The following FIGNL2 variants were observed in gnomAD, a reference collection of about 807,000 sequenced individuals.
FIGNL2 encodes the protein fidgetin-like protein 2.
For synonymous variants in FIGNL2, 565 were observed against 484.0 expected, an observed-to-expected ratio of 1.17 and a Z score of -2.20; for missense variants, 1,060 against 950.2, an observed-to-expected ratio of 1.12 and a Z score of -1.52.
At position 51,821,301 on chromosome 12, in the gene FIGNL2, G is replaced by A. The variant is rs1202178109; in HGVS notation, c.1113C>T (p.Asp371=). The change falls in exon 2 of 2, where the codon GAC becomes GAT. Residue 371 remains aspartate, a synonymous_variant. Transcript: ENST00000618634. The stretch of plus-strand genomic sequence containing the variant: ...TCGTCACCAGCTCCAGGGCCCCAGG[G>A]TCCACGCCTTTGGGAGTCTCCCCCG... ...VPSGETPKGV[D]PGALELVTSK... The A allele has an allele frequency of 3.3e-6, 5 of 1,524,282 alleles. No homozygotes were observed. Among genetic ancestry groups the A allele is most frequent in the Non-Finnish European group, 4.4e-6 (5 of 1,141,548 alleles). 94.4% of individuals were successfully genotyped at this position (1,524,282 alleles called of 1,614,324 possible).
chr12:51,847,518 C>T (rs2139006521), intron 1 of FIGNL2: 1 of 985,490 alleles, frequency 1.0e-6, no homozygotes, highest in East Asian at 1.1e-4. Context: ...AGCCTGACAG[C>T]CCTACGGCCT....
At position 51,821,509 on chromosome 12, in the gene FIGNL2, C is replaced by T; in HGVS notation, c.905G>A (p.Gly302Asp). ...CCGGAACCCGTTGCCCCGACATTCG[C>T]CGTTGTCCGCGGCGGGGTAGGAGGC... is the stretch of plus-strand genomic sequence containing the variant. The part of the protein sequence containing the change: ...DGASYPAADN[G>D]ECRGNGFRAK... The change falls in exon 2 of 2, where the codon GGC becomes GAC. Residue 302 changes from glycine (G) to aspartate (D), a missense_variant. Physicochemically the swap from Gly to Asp is moderately conservative, Grantham distance 94. Coordinates refer to ENST00000618634, the MANE Select transcript of FIGNL2 (RefSeq NM_001384995.1). 1.3e-6 allele frequency: 2 copies of T among 1,561,100 alleles called. No individual in the cohort carries two copies. The highest frequency in any genetic ancestry group is 1.7e-6 in the Non-Finnish European group (2 of 1,162,380).
Position 51,819,803 on chromosome 12 carries a change from G to C in FIGNL2, c.*649C>G, listed in dbSNP as rs1009930159. The C allele has an allele frequency of 6.5e-6, 1 of 152,990 alleles. No individual in the cohort carries two copies. Among genetic ancestry groups the C allele is most frequent in the African/African-American group, 2.4e-5 (1 of 41,428 alleles). 9.5% of individuals were successfully genotyped at this position (152,990 alleles called of 1,614,324 possible). A position where few individuals can be genotyped will look rare whatever the true frequency, so the allele number is the denominator to read the frequency against. On this transcript the variant is annotated 3_prime_UTR_variant, in exon 2 of 2. Transcript: ENST00000618634. ...ACCCTAGGTTTCAGATGGGTAGAGG[G>C]GTAACCCTCCTCCTCAGCCCCTGGG... is the stretch of plus-strand genomic sequence containing the variant.
chr12:51,825,582 C>G (rs1939322529), intron 1 of FIGNL2, among the ~76,000 whole-genome samples: 1 of 152,026 alleles, frequency 6.6e-6, no homozygotes, highest in South Asian at 2.1e-4. Flanking sequence ...CTCAGACCCT[C>G]TCGCCCTTCC....
intron 1 of FIGNL2, chr12:51,847,100 G>C (rs993201516): frequency 4.1e-6 from 4 of 985,242 alleles, no homozygotes; most frequent in African/African-American, 1.7e-5. Flanking sequence ...CCACAGCACC[G>C]GGCAGCCCGG....
chr12:51,847,042 T>C, intron 1 of FIGNL2: 8 of 984,048 alleles, frequency 8.1e-6, no homozygotes, highest in Non-Finnish European at 9.6e-6. Flanking sequence ...TGCCCGCAGC[T>C]CGCGCGGCCG....
chr12:51,825,428 C>T (rs1446906760), intron 1 of FIGNL2, among the ~76,000 whole-genome samples: 1 of 152,038 alleles, frequency 6.6e-6, no homozygotes, highest in African/African-American at 2.4e-5. Flanking sequence ...TTACTGAAAC[C>T]TCCACCCGCC....
chr12:51,829,291 C>T (rs1182263240), intron 1 of FIGNL2, among the ~76,000 whole-genome samples: 1 of 152,206 alleles, frequency 6.6e-6, no homozygotes, highest in African/African-American at 2.4e-5. Context: ...CAACGGGTGC[C>T]CCAGGGGGTC....
chr12:51,827,372 A>G (rs1939366447), intron 1 of FIGNL2, among the ~76,000 whole-genome samples: 1 of 151,702 alleles, frequency 6.6e-6, no homozygotes, highest in African/African-American at 2.4e-5. Context: ...GTGAACCTCA[A>G]TTTCCCCATT....
At position 51,820,583 on chromosome 12, in the gene FIGNL2, G is replaced by A. The variant is rs764483463; in HGVS notation, c.1831C>T (p.Leu611Phe). ...LCQQAAAGAGLPGLQRPLSYK... is the reference protein window; with the variant it reads ...LCQQAAAGAGFPGLQRPLSYK... Reference sequence around the variant, plus strand: ...GAGAGGGGGCGCTGCAGCCCCGGGAGGCCCGCCCCGGCCGCCGCCTGCTGG... The same window carrying A: ...GAGAGGGGGCGCTGCAGCCCCGGGAAGCCCGCCCCGGCCGCCGCCTGCTGG... The change falls in exon 2 of 2, where the codon CTC becomes TTC. Residue 611 changes from leucine (L) to phenylalanine (F), a missense_variant. Transcript: ENST00000618634. 2.3e-4 allele frequency: 353 copies of A among 1,526,100 alleles called. No homozygotes were observed. Among genetic ancestry groups the A allele is most frequent in the Non-Finnish European group, 2.9e-4 (337 of 1,143,308 alleles). 94.5% of individuals were successfully genotyped at this position (1,526,100 alleles called of 1,614,324 possible). A position where few individuals can be genotyped will look rare whatever the true frequency, so the allele number is the denominator to read the frequency against.
intron 1 of FIGNL2, among the ~76,000 whole-genome samples, chr12:51,830,641 A>G (rs767145575): frequency 4.6e-5 from 7 of 151,246 alleles, no homozygotes; most frequent in South Asian, 2.1e-4. Flanking sequence ...ACAGGCGCCC[A>G]CCACTACACC....
chr12:51,821,078 C>A lies in FIGNL2; in HGVS notation c.1336G>T (p.Ala446Ser). The A allele has an allele frequency of 7.7e-7, 1 of 1,290,882 alleles. No individual in the cohort carries two copies. Among genetic ancestry groups the A allele is most frequent in the African/African-American group, 1.6e-5 (1 of 64,152 alleles). The allele number at this position is 1,290,882 out of a possible 1,614,324, so 80.0% of individuals were successfully genotyped here. ...AGKALLGRCL[A>S]TQLGATLLRL... ...AACAGCGTGGCGCCCAGCTGCGTGG[C>A]GAGGCAGCGGCCCAGCAGCGCTTTG... The change falls in exon 2 of 2, where the codon GCC becomes TCC. Residue 446 changes from alanine to serine, a missense_variant. By Grantham distance (99) the Ala-to-Ser change is moderately conservative. Transcript: ENST00000618634.
chr12:51,836,044 C>T (rs1343148608), intron 1 of FIGNL2, among the ~76,000 whole-genome samples: 1 of 152,104 alleles, frequency 6.6e-6, no homozygotes, highest in Non-Finnish European at 1.5e-5. Context: ...CTCCTGACCT[C>T]AGGTGATCCA....
intron 1 of FIGNL2, among the ~76,000 whole-genome samples, chr12:51,834,046 T>C (rs1334560413): frequency 1.3e-5 from 1 of 74,190 alleles, no homozygotes; most frequent in African/African-American, 3.2e-5. Flanking sequence ...GATGGATGAA[T>C]GGACAGATGG....
In FIGNL2 at chr12:51,820,438, TC is replaced by T; in HGVS notation, c.*13del. On this transcript the variant is annotated 3_prime_UTR_variant, in exon 2 of 2. Transcript: ENST00000618634. ...CGGAGGGACTGCGGCTCCCGCGGCCTCCCCCGCGCGCCGTCAGTGTCCGGAG... is the reference window on the plus strand; with the variant it reads ...CGGAGGGACTGCGGCTCCCGCGGCCTCCCCGCGCGCCGTCAGTGTCCGGAG... 1.3e-6 allele frequency: 2 copies of T among 1,580,746 alleles called. No individual in the cohort carries two copies. The highest frequency in any genetic ancestry group is 1.7e-6 in the Non-Finnish European group (2 of 1,171,952).
chr12:51,826,495 C>T (rs544884649), intron 1 of FIGNL2, among the ~76,000 whole-genome samples: 5 of 151,576 alleles, frequency 3.3e-5, no homozygotes, highest in East Asian at 1.9e-4. Flanking sequence ...AAAAATTAGC[C>T]GGGCGTGGTG....
At chr12:51,829,722 A>G (rs1406580344) in intron 1 of FIGNL2, among the ~76,000 whole-genome samples, 1 of 151,930 alleles carries the variant, frequency 6.6e-6, no homozygotes, top group Non-Finnish European at 1.5e-5. Flanking sequence ...TGATCAGCTA[A>G]CAGGGAAGAG....
chr12:51,847,704 AC>A (rs1351171966), intron 1 of FIGNL2: 53 of 985,244 alleles, frequency 5.4e-5, no homozygotes, highest in Non-Finnish European at 6.4e-5. Flanking sequence ...GGGGAAGGGC[AC>A]CAGCATTTGC....
Position 51,821,008 on chromosome 12 carries a change from C to A in FIGNL2, c.1406G>T (p.Gly469Val). The change falls in exon 2 of 2, where the codon GGC (glycine) becomes GTC (valine). Residue 469 changes from glycine (G) to valine (V), a missense_variant. Physicochemically the swap from Gly to Val is moderately radical, Grantham distance 109 (BLOSUM62 -3). Coordinates refer to ENST00000618634, the MANE Select transcript of FIGNL2 (RefSeq NM_001384995.1). ...ATLAAPGAAE[G>V]ARLLQAAFAA... ...GAAGGCGGCCTGGAGGAGGCGCGCG[C>A]CCTCGGCGGCGCCGGGCGCAGCCAG... The A allele has an allele frequency of 8.5e-7, 1 of 1,180,724 alleles. No homozygotes were observed. Among genetic ancestry groups the A allele is most frequent in the Non-Finnish European group, 1.0e-6 (1 of 957,118 alleles). The allele number at this position is 1,180,724 out of a possible 1,614,324, so 73.1% of individuals were successfully genotyped here.
Sources: gnomAD v4.1 joint callset for allele counts (sites outside exome capture counted in the v4.1 genomes callset) on GRCh38, gnomAD v4.1.1 for gene constraint, MANE v1.5 for transcripts, NCBI Gene and HGNC (gene_info 2026-07-23, HGNC 2026-07-21) for gene names.